The following ITGA1 variants were observed in gnomAD, a reference collection of about 807,000 sequenced individuals.
ITGA1 encodes the protein integrin alpha-1.
ITGA1 carries 85 observed loss-of-function variants against 145.9 expected under a neutral mutation model. The observed-to-expected ratio is 0.58, with a 90% CI of 0.49 to 0.70. The LOEUF is 0.70. ITGA1 is among the 30% of genes least tolerant of loss of function. The pLI, the probability that ITGA1 is intolerant of heterozygous loss-of-function variation, is 0.00. For synonymous variants in ITGA1, 520 were observed against 495.3 expected (o/e 1.05, Z -0.66); for missense variants, 1,351 against 1,418.7 (o/e 0.95, Z 0.77).
At chr5:52,932,796 T>C (rs1290195098) in intron 22 of ITGA1, 1 of 152,170 alleles carries the variant, frequency 6.6e-6, no homozygotes, top group East Asian at 1.9e-4. Context: ...AATTTTTTAA[T>C]AATAGTGGCT....
Position 52,893,654 on chromosome 5 carries a change from G to C in ITGA1, c.925-21G>C, listed in dbSNP as rs752129106. 4 of 1,596,404 alleles carry C rather than the reference G, an allele frequency of 2.5e-6. No homozygotes were observed. The South Asian group carries it at 4.5e-5, about 18-fold the overall frequency. Reference sequence around the variant, plus strand: ...CACATAGAATTTAAAATATATTCTTGCTGTTTCTGTTGTGTCTTAGATTCT... The same window carrying C: ...CACATAGAATTTAAAATATATTCTTCCTGTTTCTGTTGTGTCTTAGATTCT... On this transcript the variant is annotated intron_variant, in intron 8 of 28. Transcript: ENST00000282588.
intron 15 of ITGA1, among the ~76,000 whole-genome samples, chr5:52,918,376 T>C (rs1260456803): frequency 2.6e-5 from 4 of 152,168 alleles, no homozygotes; most frequent in Non-Finnish European, 4.4e-5. Context: ...GTCTACGGGC[T>C]GTTCAGGGAC....
chr5:52,832,269 T>C (rs1348470534), intron 1 of ITGA1, among the ~76,000 whole-genome samples: 1 of 152,008 alleles, frequency 6.6e-6, no homozygotes, highest in Non-Finnish European at 1.5e-5. Flanking sequence ...TTGGTCCCCA[T>C]AGAATTAATC....
At chr5:52,832,755 A>G (rs984839020) in intron 1 of ITGA1, among the ~76,000 whole-genome samples, 11 of 133,548 alleles carry the variant, frequency 8.2e-5, no homozygotes, top group Admixed American at 2.3e-4. Flanking sequence ...TCTGGCAGAA[A>G]TATATAAATC....
intron 1 of ITGA1, among the ~76,000 whole-genome samples, chr5:52,840,725 G>A (rs992281440): frequency 6.6e-5 from 10 of 152,164 alleles, no homozygotes; most frequent in Non-Finnish European, 1.2e-4. Flanking sequence ...GATTTTTTAA[G>A]AAAGGATGTT....
At chr5:52,913,951 C>T (rs780681634) in intron 14 of ITGA1, among the ~76,000 whole-genome samples, 3 of 152,140 alleles carry the variant, frequency 2.0e-5, no homozygotes, top group Non-Finnish European at 4.4e-5. Context: ...ATATTAATGA[C>T]TGGGGCATGA....
At chr5:52,912,329 A>T (rs1382383040) in intron 14 of ITGA1, among the ~76,000 whole-genome samples, 1 of 145,102 alleles carries the variant, frequency 6.9e-6, no homozygotes, top group Non-Finnish European at 1.5e-5. Flanking sequence ...TATATTTCAT[A>T]TATAGTGTAT....
chr5:52,933,946 G>T lies in ITGA1; in HGVS notation c.2914G>T (p.Val972Phe), dbSNP rs773392703. 1 of 1,531,664 alleles carries T rather than the reference G, an allele frequency of 6.5e-7. No individual in the cohort carries two copies. The highest frequency in any genetic ancestry group is 8.8e-7 in the Non-Finnish European group (1 of 1,134,076). 94.9% of individuals were successfully genotyped at this position (1,531,664 alleles called of 1,614,324 possible). A position where few individuals can be genotyped will look rare whatever the true frequency, so the allele number is the denominator to read the frequency against. ...TGCTGCCAATGAGACAGTCCCTGAA[G>T]TTATTAATTCTACTGAGGACATTGG... Reference protein sequence around the residue: ...SIAANETVPEVINSTEDIGNE... With the variant: ...SIAANETVPEFINSTEDIGNE... Residue 972 changes from valine to phenylalanine, a missense_variant, in exon 23 of 29, where the codon GTT becomes TTT. Physicochemically the swap from Val to Phe is conservative, Grantham distance 50. Coordinates refer to ENST00000282588, the MANE Select transcript of ITGA1 (RefSeq NM_181501.2).
At chr5:52,831,180 T>C (rs961928698) in intron 1 of ITGA1, among the ~76,000 whole-genome samples, 1 of 152,090 alleles carries the variant, frequency 6.6e-6, no homozygotes, top group Non-Finnish European at 1.5e-5. Context: ...TTGCCTAGAC[T>C]GATGGGCAAT....
intron 9 of ITGA1, among the ~76,000 whole-genome samples, chr5:52,897,063 A>T (rs1561241064): frequency 6.6e-6 from 1 of 152,170 alleles, no homozygotes. Context: ...AAGGGAGTTT[A>T]GCCTAAGGGC....
rs1474005737 is a variant in ITGA1, at chr5:52,955,301, T to A, written c.*2850T>A. 1 of 152,118 alleles carries A rather than the reference T, an allele frequency of 6.6e-6. No individual in the cohort carries two copies. The highest frequency in any genetic ancestry group is 1.5e-5 in the Non-Finnish European group (1 of 68,022). 9.4% of individuals were successfully genotyped at this position (152,118 alleles called of 1,614,324 possible). On this transcript the variant is annotated 3_prime_UTR_variant, in exon 29 of 29. Transcript: ENST00000282588. ...GTATCTGCCACCTCTTACCAACCAG[T>A]GTGAGCTGACTTCAGCACACCACTG...
At chr5:52,823,244 G>A (rs941929478) in intron 1 of ITGA1, among the ~76,000 whole-genome samples, 1 of 152,070 alleles carries the variant, frequency 6.6e-6, no homozygotes, top group Admixed American at 6.6e-5. Context: ...TTGCTCTGTT[G>A]CCCAGGCTGG....
chr5:52,855,635 A>G (rs1224475125), intron 2 of ITGA1, among the ~76,000 whole-genome samples: 1 of 152,186 alleles, frequency 6.6e-6, no homozygotes, highest in Non-Finnish European at 1.5e-5. Context: ...ATCAAATGCC[A>G]GAATAGGATC....
chr5:52,803,845 C>T (rs1748538582), intron 1 of ITGA1: 2 of 152,148 alleles, frequency 1.3e-5, no homozygotes, highest in South Asian at 4.1e-4. Context: ...ATAATAAAAT[C>T]TGATAAACAA....
chr5:52,939,502 T>C, intron 24 of ITGA1, 88 bp from the exon 25 acceptor site: 2 of 839,672 alleles, frequency 2.4e-6, no homozygotes, highest in South Asian at 3.2e-5. Context: ...ATGGCTGTCA[T>C]TCACAGATTC....
chr5:52,825,659 C>A (rs1025265625), intron 1 of ITGA1, among the ~76,000 whole-genome samples: 1 of 152,136 alleles, frequency 6.6e-6, no homozygotes, highest in Non-Finnish European at 1.5e-5. Flanking sequence ...GTGGCTCATG[C>A]CCGTAATCCC....
At position 52,944,950 on chromosome 5, in the gene ITGA1, T is replaced by C; in HGVS notation, c.3293T>C (p.Phe1098Ser). ...LWKPTFIKSY[F>S]SSLNLTIRGE... is the part of the protein sequence containing the mutation. ...ATCCTATTTGCTTTTCAGTCATATT[T>C]TTCCAGCTTAAATCTTACTATAAGG... The change falls in exon 27 of 29, where the codon TTT becomes TCT. Residue 1098 changes from phenylalanine to serine, a missense_variant. Coordinates refer to ENST00000282588, the MANE Select transcript of ITGA1 (RefSeq NM_181501.2). 6.2e-7 allele frequency: 1 copy of C among 1,610,098 alleles called. No homozygotes were observed. The highest frequency in any genetic ancestry group is 8.5e-7 in the Non-Finnish European group (1 of 1,177,034).
chr5:52,922,193 C>G (rs1260009288), intron 17 of ITGA1, among the ~76,000 whole-genome samples: 1 of 116,112 alleles, frequency 8.6e-6, no homozygotes, highest in East Asian at 2.2e-4. Context: ...CCCAGCTAGT[C>G]GGGAGGCTGA....
intron 10 of ITGA1, among the ~76,000 whole-genome samples, chr5:52,897,772 G>C (rs1253173775): frequency 6.6e-6 from 1 of 152,110 alleles, no homozygotes; most frequent in Non-Finnish European, 1.5e-5. Flanking sequence ...GACAGTGTGA[G>C]CTTTGCCTTG....
Sources: allele counts gnomAD v4.1 joint callset (sites outside exome capture counted in the v4.1 genomes callset), GRCh38; gene constraint gnomAD v4.1.1; transcripts MANE v1.5; gene names NCBI Gene and HGNC (gene_info 2026-07-23, HGNC 2026-07-21).